Variants in NCOR2 observed in about 807,000 individuals in gnomAD.
The protein encoded by NCOR2 is nuclear receptor corepressor 2, also known as CTG repeat protein 26.
NCOR2 carries 81 observed loss-of-function variants against 262.9 expected under a neutral mutation model. The ratio of observed to expected loss-of-function variants is 0.31; its 90% CI spans 0.26 to 0.37. The LOEUF (loss-of-function observed/expected upper bound fraction) is 0.37. Ranked by LOEUF, NCOR2 falls within the 10% of genes least tolerant of loss-of-function variation. The probability of loss-of-function intolerance (pLI) is 1.00; values close to 1 mark genes in which losing one functional copy is unlikely to be tolerated. For missense variants in NCOR2, 3,385 were observed against 3,621.4 expected (o/e 0.93, Z 1.68); for synonymous variants, 1,659 against 1,559.3 (o/e 1.06, Z -1.51).
intron 1 of NCOR2, among the ~76,000 whole-genome samples, chr12:124,502,512 G>A (rs559895875): frequency 2.0e-5 from 3 of 152,236 alleles, no homozygotes; most frequent in East Asian, 1.9e-4. Flanking sequence ...ATGCAAAGGC[G>A]CCGGGGAGAG....
chr12:124,388,702 T>A, intron 16 of NCOR2: 1 of 1,304,196 alleles, frequency 7.7e-7, no homozygotes, highest in Non-Finnish European at 1.0e-6. Context: ...CATTCGCGTC[T>A]CCCCCTCGGC....
intron 8 of NCOR2, among the ~76,000 whole-genome samples, chr12:124,434,661 A>G (rs2136386922): frequency 6.6e-6 from 1 of 152,174 alleles, no homozygotes; most frequent in East Asian, 1.9e-4. Flanking sequence ...CCAAGGGGGG[A>G]ACCATGGGGG....
At chr12:124,340,941 A>C (rs2036405742) in intron 34 of NCOR2, among the ~76,000 whole-genome samples, 190 bp from the exon 37 acceptor site, 1 of 152,106 alleles carries the variant, frequency 6.6e-6, no homozygotes, top group African/African-American at 2.4e-5. Context: ...TTCTCTCGGT[A>C]CCACCTCCTC....
At chr12:124,331,585 T>G (rs1244099) in intron 43 of NCOR2, 123,705 of 153,584 alleles carry the variant, frequency 0.81, 49,872 homozygotes, top group East Asian at 0.87. Flanking sequence ...GCCTCCCCAG[T>G]AGCTTGGACT....
chr12:124,379,256 G>A (rs983691285), intron 17 of NCOR2, among the ~76,000 whole-genome samples: 6 of 152,108 alleles, frequency 3.9e-5, no homozygotes, highest in African/African-American at 7.2e-5. Flanking sequence ...TCCCCGCACC[G>A]CACCCTGCTC....
At chr12:124,438,128 G>A (rs2044473442) in intron 7 of NCOR2, 132 bp from the exon 10 acceptor site, 1 of 781,776 alleles carries the variant, frequency 1.3e-6, no homozygotes, top group Non-Finnish European at 2.1e-6. Context: ...AGACCCACCC[G>A]TGCTGTATCC....
At chr12:124,358,222 G>C (rs1311372820) in intron 22 of NCOR2, among the ~76,000 whole-genome samples, 3 of 149,736 alleles carry the variant, frequency 2.0e-5, no homozygotes, top group African/African-American at 7.7e-5. Context: ...GCATGTGTGT[G>C]TGAGTGCATG....
exon 42 of NCOR2, chr12:124,333,167 G>T: frequency 6.2e-7 from 1 of 1,612,514 alleles, no homozygotes; most frequent in Middle Eastern, 1.7e-4. Context: ...TACAGCAGCG[G>T]GTACACAGCA....
In NCOR2 at chr12:124,388,647, C is replaced by T. The variant is rs1234595943; in HGVS notation, c.1877-2760G>A. On this transcript the variant is annotated intron_variant, in intron 16 of 46. Transcript: ENST00000405201. ...ACGTTGCGGTCCCTGTCCCTGCACC[C>T]GCAGTCCCCCATCCCCTCCCCAGGA... 1.5e-5 allele frequency: 19 copies of T among 1,303,218 alleles called. No homozygotes were observed. In the East Asian group the frequency reaches 3.3e-4, roughly 23 times the overall value. The allele number at this position is 1,303,218 out of a possible 1,614,324, so 80.7% of individuals were successfully genotyped here. A position where few individuals can be genotyped will look rare whatever the true frequency, so the allele number is the denominator to read the frequency against.
intron 6 of NCOR2, among the ~76,000 whole-genome samples, chr12:124,455,515 T>C (rs2136542238): frequency 6.6e-6 from 1 of 152,350 alleles, no homozygotes. Context: ...TTCTGCCTTC[T>C]GAGTGGGCCT....
intron 12 of NCOR2, among the ~76,000 whole-genome samples, chr12:124,421,253 G>A (rs893659972): frequency 1.3e-5 from 2 of 152,214 alleles, no homozygotes; most frequent in Non-Finnish European, 2.9e-5. Flanking sequence ...AAGCTCTACT[G>A]AAGCCTTGTC....
At chr12:124,357,824 A>G (rs2038077598) in intron 22 of NCOR2, among the ~76,000 whole-genome samples, 1 of 87,876 alleles carries the variant, frequency 1.1e-5, no homozygotes, top group African/African-American at 4.1e-5. Flanking sequence ...ACGCGCGTGC[A>G]CGTGTATGTG....
intron 17 of NCOR2, among the ~76,000 whole-genome samples, chr12:124,379,476 G>A (rs974874891): frequency 3.9e-5 from 6 of 152,242 alleles, no homozygotes; most frequent in African/African-American, 1.2e-4. Flanking sequence ...ATAGACAGCA[G>A]AGAGCAGGGG....
At chr12:124,410,754 C>T (rs1448436314) in intron 13 of NCOR2, among the ~76,000 whole-genome samples, 1 of 152,174 alleles carries the variant, frequency 6.6e-6, no homozygotes, top group African/African-American at 2.4e-5. Context: ...CAACACCCAC[C>T]GCACAGCGGC....
exon 20 of NCOR2, chr12:124,372,585 G>C (rs778906899): frequency 4.3e-5 from 68 of 1,598,122 alleles, no homozygotes; most frequent in Middle Eastern, 1.6e-4. Flanking sequence ...GGATGCTCTC[G>C]GTGTCTGAGC....
At position 124,503,003 on chromosome 12, in the gene NCOR2, A is replaced by G. The variant is rs1301128764; in HGVS notation, c.-117-7635T>C. ...TCATTCCACTCCCTAAGGAAGAGCC[A>G]GGTACCCAACCCCAGCCTGTCGTTG... On this transcript the variant is annotated intron_variant, in intron 1 of 46. Coordinates refer to the NCOR2 transcript ENST00000404621. This position sits in a 1 kb window ranked among gnomAD's most constrained non-coding sequence, Gnocchi z 4.3. Among the ~76,000 whole-genome samples the G allele has an allele frequency of 6.6e-6, 1 of 152,198 alleles. No individual in the cohort carries two copies. The highest frequency in any genetic ancestry group is 1.5e-5 in the Non-Finnish European group (1 of 68,040).
chr12:124,335,321 C>T (rs957473863), intron 39 of NCOR2, 41 bp from the exon 42 acceptor site: 37 of 1,527,544 alleles, frequency 2.4e-5, no homozygotes, highest in Non-Finnish European at 3.2e-5. Context: ...GTCTGCTGGC[C>T]CCAGGGCTGC....
intron 9 of NCOR2, among the ~76,000 whole-genome samples, chr12:124,430,153 A>G (rs973676921): frequency 6.6e-6 from 1 of 152,202 alleles, no homozygotes; most frequent in Non-Finnish European, 1.5e-5. Flanking sequence ...TATCATTACC[A>G]ATGAATCGCC....
At chr12:124,461,545 C>A (rs1418626893) in intron 5 of NCOR2, among the ~76,000 whole-genome samples, 1 of 152,240 alleles carries the variant, frequency 6.6e-6, no homozygotes, top group African/African-American at 2.4e-5. Context: ...CACGGGAGCA[C>A]CAGACCCACG....
Sources: gnomAD v4.1 joint callset for allele counts (sites outside exome capture counted in the v4.1 genomes callset) on GRCh38, gnomAD v4.1.1 for gene constraint, Gnocchi (gnomAD v3.1) non-coding constraint, MANE v1.5 for transcripts, NCBI Gene and HGNC (gene_info 2026-07-23, HGNC 2026-07-21) for gene names.